Variants in TEX14 observed in about 807,000 individuals in gnomAD.
TEX14 encodes the protein inactive serine/threonine-protein kinase TEX14.
TEX14 carries 168 observed loss-of-function variants against 178.6 expected under a neutral mutation model. That is an observed-to-expected ratio of 0.94 (90% CI 0.83 to 1.07). TEX14 has a LOEUF of 1.07. TEX14 is among the 50% of genes least tolerant of loss of function. The pLI is 0.00. For missense variants in TEX14, 1,730 were observed against 1,753.6 expected (o/e 0.99, Z 0.24); for synonymous variants, 626 against 634.1 (o/e 0.99, Z 0.19).
chr17:58,589,915 C>T (rs1226983106), intron 15 of TEX14, among the ~76,000 whole-genome samples: 2 of 151,860 alleles, frequency 1.3e-5, no homozygotes, highest in Non-Finnish European at 2.9e-5. Flanking sequence ...TGTTGCCCAG[C>T]GTGGTCTCAA....
chr17:58,587,898 G>A lies in TEX14; in HGVS notation c.2700C>T (p.Thr900=). ...TTCCAGCCCACAAGGATCCTTACCT[G>A]GTAGAGTCCCAGTGACAGCTGGGTG... ...SASPSCHWDS[T]RMSVEPVSSE... is the part of the protein sequence containing the mutation. Residue 900 remains threonine (T), a splice_region_variant and synonymous_variant, in exon 16 of 32, where the codon ACC becomes ACT. Coordinates refer to ENST00000349033, the MANE Select transcript of TEX14 (RefSeq NM_031272.5). The A allele has an allele frequency of 6.2e-7, 1 of 1,606,022 alleles. No homozygotes were observed. Among genetic ancestry groups the A allele is most frequent in the Non-Finnish European group, 8.5e-7 (1 of 1,174,336 alleles).
intron 2 of TEX14, chr17:58,631,830 T>G (rs184304458): frequency 8.1e-5 from 12 of 148,834 alleles, no homozygotes; most frequent in Non-Finnish European, 1.5e-4. Context: ...CCTCAAAATA[T>G]AGTCTTAATG....
At chr17:58,581,102 G>A (rs1567717415) in intron 19 of TEX14, among the ~76,000 whole-genome samples, 1 of 152,116 alleles carries the variant, frequency 6.6e-6, no homozygotes, top group East Asian at 1.9e-4. Flanking sequence ...CACGAGTTCA[G>A]GAGTTTGAGA....
At chr17:58,623,140 T>C in intron 3 of TEX14, 128 bp from the exon 4 acceptor site, 1 of 719,660 alleles carries the variant, frequency 1.4e-6, no homozygotes, top group Non-Finnish European at 2.2e-6. Context: ...TATAACAACA[T>C]CATTTGTGAG....
At chr17:58,667,714 G>A (rs1249353139) in intron 1 of TEX14, among the ~76,000 whole-genome samples, 2 of 151,966 alleles carry the variant, frequency 1.3e-5, no homozygotes, top group Admixed American at 6.6e-5. Flanking sequence ...GTGAAACCCT[G>A]TCTCTACTAA....
intron 2 of TEX14, among the ~76,000 whole-genome samples, chr17:58,647,305 G>A (rs1187606837): frequency 1.3e-5 from 2 of 151,722 alleles, no homozygotes; most frequent in Non-Finnish European, 2.9e-5. Context: ...GCCGAGGTGG[G>A]CAGATCACAA....
At chr17:58,582,359 A>C (rs9898524) in intron 19 of TEX14, among the ~76,000 whole-genome samples, 22,163 of 151,962 alleles carry the variant, frequency 0.15, 2,505 homozygotes, top group East Asian at 0.31. Flanking sequence ...TCCCAGGTTC[A>C]AGTGATTCTC....
intron 4 of TEX14, 128 bp from the exon 5 acceptor site, chr17:58,621,914 GC>G: frequency 1.9e-6 from 2 of 1,058,244 alleles, no homozygotes; most frequent in Non-Finnish European, 2.6e-6. Flanking sequence ...AAAGGAAAGG[GC>G]CCAGGTGATT....
intron 20 of TEX14, among the ~76,000 whole-genome samples, chr17:58,577,789 T>G (rs2044714720): frequency 6.6e-6 from 1 of 152,182 alleles, no homozygotes; most frequent in Non-Finnish European, 1.5e-5. Flanking sequence ...CTGACCCGGT[T>G]CCTGTCAACA....
At chr17:58,571,191 A>G (rs1297218356) in intron 24 of TEX14, among the ~76,000 whole-genome samples, 1 of 151,726 alleles carries the variant, frequency 6.6e-6, no homozygotes, top group African/African-American at 2.4e-5. Flanking sequence ...ATACCAAAAA[A>G]GTTGACAATC....
chr17:58,563,733 G>C (rs1054438603), intron 28 of TEX14, among the ~76,000 whole-genome samples: 39 of 141,716 alleles, frequency 2.8e-4, no homozygotes, highest in Non-Finnish European at 4.6e-4. Flanking sequence ...TGTATATAGA[G>C]AGAGATCATA....
chr17:58,629,987 G>A lies in TEX14; in HGVS notation c.251+453C>T, dbSNP rs185962319. On this transcript the variant is annotated intron_variant, in intron 3 of 31. Transcript: ENST00000349033. ...CTCCCAAAGTGCTGGGATTACAGGCGTGAGCCACCATGCCCGGCCTAAACT... is the reference window on the plus strand; with the variant it reads ...CTCCCAAAGTGCTGGGATTACAGGCATGAGCCACCATGCCCGGCCTAAACT... 3.3e-4 allele frequency among the ~76,000 whole-genome samples: 44 copies of A among 134,572 alleles called. No individual in the cohort carries two copies. In the East Asian group the frequency reaches 5.5e-3, roughly 17 times the overall value. The allele number at this position is 134,572 out of a possible 152,430, so 88.3% of individuals were successfully genotyped here.
At chr17:58,656,237 A>G (rs575283409) in intron 1 of TEX14, among the ~76,000 whole-genome samples, 1 of 152,268 alleles carries the variant, frequency 6.6e-6, no homozygotes, top group Admixed American at 6.5e-5. Context: ...TGAGGTCAGG[A>G]GTTCAAGACC....
intron 15 of TEX14, among the ~76,000 whole-genome samples, chr17:58,592,253 A>G (rs1422233487): frequency 6.6e-6 from 1 of 150,988 alleles, no homozygotes; most frequent in Admixed American, 6.6e-5. Flanking sequence ...TTTTTGAGTC[A>G]GAATCTCACT....
At position 58,585,831 on chromosome 17, in the gene TEX14, C is replaced by T. The variant is rs1358787988; in HGVS notation, c.3040G>A (p.Gly1014Ser). Residue 1014 changes from glycine to serine, a missense_variant, in exon 18 of 32, where the codon GGC (glycine) becomes AGC (serine). Gly to Ser is a moderately conservative substitution (Grantham distance 56). Around this residue, in one of 2 missense-constraint regions of TEX14, gnomAD observed 941 missense variants for 1,072.4 expected, o/e 0.88. Coordinates refer to ENST00000349033, the MANE Select transcript of TEX14 (RefSeq NM_031272.5). The stretch of plus-strand genomic sequence containing the variant: ...AAGCTTCCAAGCCTGGGCTGTCTGC[C>T]ATGCTGGTCACTGTCACAGTCATTG... ...GNNDCDSDQH[G>S]RQPRLGSFTS... is the part of the protein sequence containing the mutation. 6.2e-6 allele frequency: 10 copies of T among 1,613,914 alleles called. No homozygotes were observed. The highest frequency in any genetic ancestry group is 8.5e-6 in the Non-Finnish European group (10 of 1,180,018).
chr17:58,661,063 A>G, intron 1 of TEX14: 1 of 1,102,554 alleles, frequency 9.1e-7, no homozygotes, highest in Non-Finnish European at 1.4e-6. Flanking sequence ...TTTCCACAGC[A>G]GATTTCATTG....
Position 58,599,132 on chromosome 17 carries a change from T to A in TEX14, c.2213A>T (p.Gln738Leu). ...SKCVLDLKIM[Q>L]TIMHENDDRL... ...ATCATCATTCTCGTGCATTATTGTC[T>A]GCATAATCTTTAGATCCAGCACACA... Residue 738 changes from glutamine (Q) to leucine (L), a missense_variant, in exon 14 of 32, where the codon CAG becomes CTG. Around this residue, in one of 2 missense-constraint regions of TEX14, gnomAD observed 941 missense variants for 1,072.4 expected, o/e 0.88. Transcript: ENST00000349033. The A allele has an allele frequency of 6.2e-7, 1 of 1,614,190 alleles. No homozygotes were observed. Among genetic ancestry groups the A allele is most frequent in the Non-Finnish European group, 8.5e-7 (1 of 1,180,032 alleles).
At chr17:58,601,738 T>C (rs1038402319) in intron 13 of TEX14, 68 bp downstream of exon 13, 91 of 1,416,444 alleles carry the variant, frequency 6.4e-5, no homozygotes, top group Non-Finnish European at 8.6e-5. Flanking sequence ...AGTCAATTAG[T>C]TGCAGCTCAT....
intron 1 of TEX14, among the ~76,000 whole-genome samples, chr17:58,673,813 T>A (rs1485534454): frequency 5.3e-5 from 8 of 152,080 alleles, no homozygotes; most frequent in Non-Finnish European, 1.5e-5. Context: ...GCTCAGGCGA[T>A]CCTCCCACCC....
Sources: gnomAD v4.1 joint callset for allele counts (sites outside exome capture counted in the v4.1 genomes callset) on GRCh38, gnomAD v4.1.1 for gene constraint, gnomAD v4.1.1 regional missense constraint, MANE v1.5 for transcripts, NCBI Gene and HGNC (gene_info 2026-07-23, HGNC 2026-07-21) for gene names.